Variants in LIMA1 observed in about 807,000 individuals in gnomAD.
LIMA1 encodes the protein LIM domain and actin-binding protein 1.
A neutral mutation model predicts 62.6 loss-of-function variants in LIMA1; 52 were observed. The observed-to-expected ratio is 0.83, with a 90% confidence interval of 0.67 to 1.05. LIMA1 has a LOEUF of 1.05. Among genes scored for constraint, LIMA1 ranks in the 50% least tolerant of loss-of-function variants. The pLI is 0.00. For missense variants in LIMA1, 780 were observed against 902.2 expected, an observed-to-expected ratio of 0.86 and a Z score of 1.74; for synonymous variants, 302 against 317.8, an observed-to-expected ratio of 0.95 and a Z score of 0.53.
At chr12:50,247,677 G>A (rs1361501405) in intron 2 of LIMA1, among the ~76,000 whole-genome samples, 1 of 149,916 alleles carries the variant, frequency 6.7e-6, no homozygotes, top group Non-Finnish European at 1.5e-5. Flanking sequence ...AGGCTGTAGT[G>A]CAGTGGCACG....
At chr12:50,263,876 T>G (rs1286971972) in intron 1 of LIMA1, among the ~76,000 whole-genome samples, 1 of 121,546 alleles carries the variant, frequency 8.2e-6, no homozygotes, top group Non-Finnish European at 1.7e-5. Context: ...TATATATATA[T>G]AAAGTATATA....
At chr12:50,250,272 A>G (rs1349458801) in intron 1 of LIMA1, among the ~76,000 whole-genome samples, 2 of 146,660 alleles carry the variant, frequency 1.4e-5, no homozygotes, top group South Asian at 2.3e-4. Flanking sequence ...CCCAGGCAAC[A>G]AGGACGAAAC....
chr12:50,183,697 G>C (rs550539105), intron 9 of LIMA1, among the ~76,000 whole-genome samples: 1 of 150,756 alleles, frequency 6.6e-6, no homozygotes, highest in South Asian at 2.1e-4. Context: ...TATAGTCCCA[G>C]CTACTCGGGA....
At chr12:50,266,580 T>A (rs1245693407) in intron 1 of LIMA1, among the ~76,000 whole-genome samples, 1 of 152,222 alleles carries the variant, frequency 6.6e-6, no homozygotes, top group African/African-American at 2.4e-5. Context: ...TGAATAAGAA[T>A]GGAACAAACA....
At position 50,206,050 on chromosome 12, in the gene LIMA1, G is replaced by A. The variant is rs766916841; in HGVS notation, c.649C>T (p.Arg217Ter). ...GAGATCTTCCTTCCACTTGCACTTC[G>A]GCTTTGGGCCCGGAGAATCTGGAAA... ...TQTKILRAQS[R>*]SASGRKISEN... The change falls in exon 5 of 11, where the codon CGA becomes TGA. Residue 217 changes from arginine (R) to a stop codon, truncating the protein, a stop_gained. Coordinates refer to ENST00000341247, the MANE Select transcript of LIMA1 (RefSeq NM_016357.5). LOFTEE classifies it high-confidence loss of function. 6.8e-6 allele frequency: 11 copies of A among 1,612,680 alleles called. No homozygotes were observed. Among genetic ancestry groups the A allele is most frequent in the East Asian group, 2.2e-5 (1 of 44,836 alleles).
chr12:50,222,284 GTTC>G lies in LIMA1; in HGVS notation c.364_366del (p.Glu122del), dbSNP rs1349609202. On this transcript the variant is annotated inframe_deletion, in exon 4 of 11. Transcript: ENST00000341247. ...CTGAGTCTAGATCTGGGGTGGATTT[GTTC>G]TTCTTGGTCAGCTTTGGCTCCAGAA... 7 of 1,614,122 alleles carry G rather than the reference GTTC, an allele frequency of 4.3e-6. No homozygotes were observed. Among genetic ancestry groups the G allele is most frequent in the East Asian group, 2.2e-5 (1 of 44,886 alleles).
chr12:50,206,352 T>C (rs1363891753), intron 4 of LIMA1, among the ~76,000 whole-genome samples: 1 of 152,150 alleles, frequency 6.6e-6, no homozygotes, highest in Non-Finnish European at 1.5e-5. Flanking sequence ...CAGATGACAA[T>C]GACATGTCCT....
intron 3 of LIMA1, among the ~76,000 whole-genome samples, chr12:50,231,039 G>C (rs7136648): frequency 6.6e-6 from 1 of 152,018 alleles, no homozygotes; most frequent in African/African-American, 2.4e-5. Context: ...AATGCCATCC[G>C]AATTAAGGAA....
intron 2 of LIMA1, among the ~76,000 whole-genome samples, chr12:50,235,045 A>C (rs1389533467): frequency 6.6e-6 from 1 of 151,954 alleles, no homozygotes; most frequent in Non-Finnish European, 1.5e-5. Flanking sequence ...CAATTCTCCT[A>C]CCTCAGCCTT....
rs372141741 is a variant in LIMA1, at chr12:50,177,839, C to A, written c.1505G>T (p.Gly502Val). ...GVEDAPIAKV[G>V]VLAASMEAKA... ...GGCTTCCATACTTGCAGCCAGGACA[C>A]CCACCTTAGCAATAGGGGCATCTTC... The change falls in exon 11 of 11, where the codon GGT becomes GTT. Residue 502 changes from glycine (G) to valine (V), a missense_variant. Physicochemically the swap from Gly to Val is moderately radical, Grantham distance 109. Transcript: ENST00000341247. The A allele has an allele frequency of 1.2e-6, 2 of 1,613,064 alleles. No individual in the cohort carries two copies. Among genetic ancestry groups the A allele is most frequent in the African/African-American group, 2.7e-5 (2 of 74,994 alleles).
At chr12:50,215,953 G>A (rs1483261056) in intron 4 of LIMA1, among the ~76,000 whole-genome samples, 1 of 151,956 alleles carries the variant, frequency 6.6e-6, no homozygotes, top group African/African-American at 2.4e-5. Context: ...AGGAGGCTGA[G>A]GCAGAGAATT....
At chr12:50,272,843 C>T (rs529990448) in intron 1 of LIMA1, among the ~76,000 whole-genome samples, 21 of 151,532 alleles carry the variant, frequency 1.4e-4, no homozygotes, top group African/African-American at 4.4e-4. Flanking sequence ...GTCAGGAGAT[C>T]GAGACCATCC....
rs1489162569 is a variant in LIMA1 at position 50,181,675 on chromosome 12, T to C, written c.1274+229A>G. 2.6e-5 allele frequency among the ~76,000 whole-genome samples: 4 copies of C among 152,200 alleles called. No individual in the cohort carries two copies. The South Asian group carries it at 8.3e-4, about 32-fold the overall frequency. ...GGGTTTACCTGCAACTCATATTATT[T>C]AAGCTTCGGTCCTAACATGTAAATT... On this transcript the variant is annotated intron_variant, in intron 10 of 10. Transcript: ENST00000341247.
intron 4 of LIMA1, among the ~76,000 whole-genome samples, chr12:50,221,672 T>A (rs1285467184): frequency 2.0e-5 from 3 of 152,220 alleles, no homozygotes; most frequent in Non-Finnish European, 4.4e-5. Flanking sequence ...CAGAGAGCTA[T>A]TCAGCAGTAA....
chr12:50,178,967 T>TATA (rs377316113), intron 10 of LIMA1, among the ~76,000 whole-genome samples: 866 of 34,898 alleles, frequency 0.025, 13 homozygotes, highest in African/African-American at 0.064. Context: ...TATATATATA[T>TATA]TTTTTTTTTC....
At chr12:50,264,314 C>T (rs116624970) in intron 1 of LIMA1, among the ~76,000 whole-genome samples, 123 of 152,188 alleles carry the variant, frequency 8.1e-4, no homozygotes, top group Middle Eastern at 3.4e-3. Flanking sequence ...ACTGTGTGAC[C>T]ATATTAAAAC....
intron 1 of LIMA1, among the ~76,000 whole-genome samples, chr12:50,269,452 A>C (rs1942176967): frequency 6.6e-6 from 1 of 152,196 alleles, no homozygotes; most frequent in Non-Finnish European, 1.5e-5. Context: ...AGCGTACATG[A>C]TATTTCAGGG....
chr12:50,207,218 C>T lies in LIMA1; in HGVS notation c.631-1150G>A, dbSNP rs543820895. On this transcript the variant is annotated intron_variant, in intron 4 of 10. Coordinates refer to ENST00000341247, the MANE Select transcript of LIMA1 (RefSeq NM_016357.5). ...GTGATTACAAGCTTGAGCCACTGCG[C>T]CTGGCCAACAAAGATTTTTTTTAAT... Among the ~76,000 whole-genome samples, 87 of 152,300 alleles carry T rather than the reference C, an allele frequency of 5.7e-4. 1 individual carries two copies. The South Asian group carries it at 0.017, about 30-fold the overall frequency.
chr12:50,238,233 A>G (rs189004521), intron 2 of LIMA1, among the ~76,000 whole-genome samples: 1 of 152,264 alleles, frequency 6.6e-6, no homozygotes, highest in Non-Finnish European at 1.5e-5. Context: ...GAGGCTTGGC[A>G]TGGTGGCTCA....
Sources: allele counts gnomAD v4.1 joint callset (sites outside exome capture counted in the v4.1 genomes callset), GRCh38; gene constraint gnomAD v4.1.1; transcripts MANE v1.5; gene names NCBI Gene and HGNC (gene_info 2026-07-23, HGNC 2026-07-21).